SNCAIP: variants seen among roughly 807,000 people sequenced by gnomAD.
SNCAIP encodes the protein synuclein alpha interacting protein.
A neutral mutation model predicts 86.7 loss-of-function variants in SNCAIP; 43 were observed. The observed-to-expected ratio is 0.50, with a 90% CI of 0.39 to 0.64. SNCAIP has a LOEUF of 0.64. Ranked by LOEUF, SNCAIP falls within the 30% of genes least tolerant of loss-of-function variation. The pLI is 0.00. For synonymous variants in SNCAIP, 417 were observed against 427.2 expected (o/e 0.98, Z 0.29); for missense variants, 981 against 1,103.1 (o/e 0.89, Z 1.57).
intron 1 of SNCAIP, among the ~76,000 whole-genome samples, chr5:122,377,996 A>G (rs898855553): frequency 1.3e-4 from 20 of 151,256 alleles, no homozygotes; most frequent in African/African-American, 4.6e-4. Flanking sequence ...GCCACAATAA[A>G]CATACGTGTG....
At chr5:122,402,000 G>A (rs957232408) in intron 2 of SNCAIP, among the ~76,000 whole-genome samples, 2 of 151,926 alleles carry the variant, frequency 1.3e-5, no homozygotes, top group African/African-American at 4.8e-5. Context: ...ATTAAGCCCA[G>A]TGAACAAACC....
At chr5:122,352,245 G>C (rs540299974) in intron 1 of SNCAIP, among the ~76,000 whole-genome samples, 1 of 152,058 alleles carries the variant, frequency 6.6e-6, no homozygotes, top group Non-Finnish European at 1.5e-5. Flanking sequence ...AAGTCTCAAA[G>C]GTCATTTGTT....
At chr5:122,422,598 C>G (rs1281282932) in intron 3 of SNCAIP, among the ~76,000 whole-genome samples, 1 of 152,074 alleles carries the variant, frequency 6.6e-6, no homozygotes, top group East Asian at 1.9e-4. Context: ...ACCTAAATAC[C>G]TATCTGGGTT....
intron 1 of SNCAIP, among the ~76,000 whole-genome samples, chr5:122,379,909 A>G (rs1766296747): frequency 6.6e-6 from 1 of 152,130 alleles, no homozygotes; most frequent in Non-Finnish European, 1.5e-5. Context: ...CATCGTGGAT[A>G]AGCTTTTTGA....
intron 1 of SNCAIP, among the ~76,000 whole-genome samples, chr5:122,377,468 C>G (rs1419464582): frequency 6.6e-6 from 1 of 150,756 alleles, no homozygotes; most frequent in Non-Finnish European, 1.5e-5. Context: ...ATCACACACA[C>G]AAGAAAGGGG....
intron 1 of SNCAIP, among the ~76,000 whole-genome samples, chr5:122,365,051 C>G (rs767377208): frequency 1.3e-5 from 2 of 152,200 alleles, no homozygotes; most frequent in Non-Finnish European, 2.9e-5. Context: ...AATCTGCCAT[C>G]TGTATTGGTG....
In SNCAIP at chr5:122,351,839, ATGTCAG is replaced by A. The variant is rs199729768; in HGVS notation, c.-46-39249_-46-39244del. Among the ~76,000 whole-genome samples, 1,133 of 152,276 alleles carry A rather than the reference ATGTCAG, an allele frequency of 7.4e-3. 27 individuals carry two copies. Among genetic ancestry groups the A allele is most frequent in the Admixed American group, 0.032 (492 of 15,278 alleles). ...AGTTTGTATACAGTATTTCAGCTGT[ATGTCAG>A]GAGACCAGATGATGGCTTTGCTTAG... On this transcript the variant is annotated intron_variant, in intron 1 of 10. Coordinates refer to ENST00000261368, the MANE Select transcript of SNCAIP (RefSeq NM_005460.4).
At position 122,423,399 on chromosome 5, in the gene SNCAIP, C is replaced by A; in HGVS notation, c.662C>A (p.Ala221Glu). The change falls in exon 4 of 11, where the codon GCA (alanine) becomes GAA (glutamate). Residue 221 changes from alanine to glutamate, a missense_variant. Ala to Glu is a moderately radical substitution (Grantham distance 107). Transcript: ENST00000261368. ...GTGAAAAGCCCTCACTTGAGAAAAG[C>A]ATCAGCTGTCATCCACGACCAGCAC... The part of the protein sequence containing the change: ...SPVKSPHLRK[A>E]SAVIHDQHKL... The A allele has an allele frequency of 2.5e-6, 4 of 1,613,678 alleles. No individual in the cohort carries two copies. The African/African-American group carries it at 4.0e-5, about 16-fold the overall frequency.
At chr5:122,394,023 A>G (rs75521112) in intron 2 of SNCAIP, among the ~76,000 whole-genome samples, 3,820 of 152,134 alleles carry the variant, frequency 0.025, 146 homozygotes, top group African/African-American at 0.087. Flanking sequence ...AAAAATGAAG[A>G]TGTGTTCAAC....
chr5:122,434,630 G>C (rs1301325115), intron 6 of SNCAIP, among the ~76,000 whole-genome samples: 4 of 152,080 alleles, frequency 2.6e-5, no homozygotes, highest in African/African-American at 9.7e-5. Context: ...CAGCTCTGAG[G>C]GGGGCAGTCC....
At chr5:122,357,980 A>G (rs1216429556) in intron 1 of SNCAIP, among the ~76,000 whole-genome samples, 1 of 152,146 alleles carries the variant, frequency 6.6e-6, no homozygotes, top group African/African-American at 2.4e-5. Context: ...TCCAGAAGCT[A>G]TGTCTGATCT....
intron 7 of SNCAIP, chr5:122,440,979 G>A: frequency 1.9e-6 from 1 of 519,566 alleles, no homozygotes. Flanking sequence ...GTGTTGAAAG[G>A]GACTTTTCCT....
chr5:122,359,082 A>T (rs1220530266), intron 1 of SNCAIP, among the ~76,000 whole-genome samples: 2 of 152,130 alleles, frequency 1.3e-5, no homozygotes, highest in Non-Finnish European at 2.9e-5. Context: ...ACAATTCTTC[A>T]TATACAATTG....
At chr5:122,453,027 A>T (rs1474531980) in intron 10 of SNCAIP, 8 of 1,401,036 alleles carry the variant, frequency 5.7e-6, no homozygotes, top group Non-Finnish European at 7.9e-6. Flanking sequence ...GCTGTGCGGC[A>T]TTGACATGCT....
chr5:122,429,174 TAGAG>T (rs1179394586), intron 5 of SNCAIP, among the ~76,000 whole-genome samples: 1 of 151,584 alleles, frequency 6.6e-6, no homozygotes, highest in Non-Finnish European at 1.5e-5. Flanking sequence ...AAGCAGCACT[TAGAG>T]GGAGATTTGT....
intron 1 of SNCAIP, among the ~76,000 whole-genome samples, chr5:122,364,549 T>A (rs181060031): frequency 6.6e-6 from 1 of 152,354 alleles, no homozygotes; most frequent in Non-Finnish European, 1.5e-5. Flanking sequence ...ATTCAAGACA[T>A]ATGTGTTATT....
At chr5:122,458,446 C>T (rs1167873910) in intron 10 of SNCAIP, among the ~76,000 whole-genome samples, 2 of 152,096 alleles carry the variant, frequency 1.3e-5, no homozygotes, top group African/African-American at 2.4e-5. Context: ...TTGCACCACA[C>T]GTCTGCCACC....
intron 1 of SNCAIP, among the ~76,000 whole-genome samples, chr5:122,335,684 A>G (rs558159975): frequency 2.0e-5 from 3 of 152,328 alleles, no homozygotes; most frequent in Admixed American, 6.5e-5. Context: ...GAGCTCTGAC[A>G]TAGTCTCACT....
At chr5:122,348,877 C>CA (rs1759196899) in intron 1 of SNCAIP, among the ~76,000 whole-genome samples, 2 of 151,742 alleles carry the variant, frequency 1.3e-5, no homozygotes, top group East Asian at 1.9e-4. Flanking sequence ...AAGTTTTGTA[C>CA]AAAAAAAATA....
Sources: allele counts gnomAD v4.1 joint callset (sites outside exome capture counted in the v4.1 genomes callset), GRCh38; gene constraint gnomAD v4.1.1; transcripts MANE v1.5; gene names NCBI Gene and HGNC (gene_info 2026-07-23, HGNC 2026-07-21).